HIVEP3: variants seen among roughly 807,000 people sequenced by gnomAD.
HIVEP3 encodes the protein HIVEP zinc finger 3, also known as transcription factor HIVEP3.
HIVEP3 carries 49 observed loss-of-function variants against 152.8 expected under a neutral mutation model. The observed-to-expected ratio is 0.32, with a 90% CI of 0.26 to 0.41. The LOEUF (loss-of-function observed/expected upper bound fraction) is 0.41. Ranked by LOEUF, HIVEP3 falls within the 10% of genes least tolerant of loss-of-function variation. HIVEP3 has a pLI of 1.00. For missense variants in HIVEP3, 2,790 were observed against 3,103.3 expected (o/e 0.90, Z 2.40); for synonymous variants, 1,269 against 1,289.0 (o/e 0.98, Z 0.33).
At chr1:41,626,726 G>A (rs1645123289) in intron 3 of HIVEP3, among the ~76,000 whole-genome samples, 1 of 152,174 alleles carries the variant, frequency 6.6e-6, no homozygotes, top group Non-Finnish European at 1.5e-5. Context: ...CTAAGTTGAG[G>A]TACCAGGAAG....
At chr1:41,836,662 T>C (rs950433115) in intron 1 of HIVEP3, among the ~76,000 whole-genome samples, 1 of 152,220 alleles carries the variant, frequency 6.6e-6, no homozygotes, top group Non-Finnish European at 1.5e-5. Context: ...ATTTCTCATG[T>C]TTTCCCCTTG....
At chr1:41,633,766 C>T (rs1240079161) in intron 2 of HIVEP3, among the ~76,000 whole-genome samples, 1 of 152,156 alleles carries the variant, frequency 6.6e-6, no homozygotes, top group Admixed American at 6.5e-5. Context: ...CATTGACACA[C>T]CCACCTTAAA....
At chr1:41,703,609 AG>A (rs1219934129) in intron 1 of HIVEP3, among the ~76,000 whole-genome samples, 1 of 152,236 alleles carries the variant, frequency 6.6e-6, no homozygotes, top group African/African-American at 2.4e-5. Flanking sequence ...CCTGGTGCAT[AG>A]TAAGGGTTAG....
chr1:41,815,391 G>A (rs1190282265), intron 1 of HIVEP3, among the ~76,000 whole-genome samples: 1 of 152,166 alleles, frequency 6.6e-6, no homozygotes, highest in Non-Finnish European at 1.5e-5. Context: ...AGGATGGCTT[G>A]AGCCAGGAGT....
intron 1 of HIVEP3, among the ~76,000 whole-genome samples, chr1:41,801,311 C>T (rs2124312727): frequency 6.6e-6 from 1 of 152,246 alleles, no homozygotes; most frequent in South Asian, 2.1e-4. Context: ...AATCTGGTCT[C>T]CCTTCTTCCC....
At chr1:41,990,474 A>G (rs1223105756) in intron 1 of HIVEP3, among the ~76,000 whole-genome samples, 10 of 147,280 alleles carry the variant, frequency 6.8e-5, no homozygotes, top group African/African-American at 2.0e-4. Flanking sequence ...ATATGCACCC[A>G]ATACAGGAGC....
At chr1:41,597,801 T>C (rs1255744281) in intron 3 of HIVEP3, among the ~76,000 whole-genome samples, 1 of 152,170 alleles carries the variant, frequency 6.6e-6, no homozygotes, top group East Asian at 1.9e-4. Context: ...CCTGGAAAAG[T>C]ATCGACAGTG....
chr1:41,909,916 T>C (rs769290884), intron 1 of HIVEP3, among the ~76,000 whole-genome samples: 1 of 152,054 alleles, frequency 6.6e-6, no homozygotes, highest in Non-Finnish European at 1.5e-5. Context: ...CCAAATTATA[T>C]ACAAATATTA....
At chr1:41,774,936 C>T (rs1648601395) in intron 1 of HIVEP3, among the ~76,000 whole-genome samples, 1 of 152,090 alleles carries the variant, frequency 6.6e-6, no homozygotes, top group Non-Finnish European at 1.5e-5. Context: ...GCTGGGACTA[C>T]AGGCATGTGC....
intron 1 of HIVEP3, among the ~76,000 whole-genome samples, chr1:41,897,989 G>T: frequency 6.6e-6 from 1 of 151,340 alleles, no homozygotes; most frequent in South Asian, 2.1e-4. Context: ...GAGGTGCTGG[G>T]AGAAGGAGGA....
In HIVEP3 at chr1:41,851,289, C is replaced by CTTTTTTTTTTTTT. The variant is rs34180186; in HGVS notation, c.-801+67111_-801+67123dup. Reference sequence around the variant, plus strand: ...GATGAGAGAGCACCTTCTTCTTCTTCTTTTTTTTTTTTTTTTTTTTTTTTT... The same window carrying CTTTTTTTTTTTTT: ...GATGAGAGAGCACCTTCTTCTTCTTCTTTTTTTTTTTTTTTTTTTTTTTTTTTTTTTTTTTTTT... On this transcript the variant is annotated intron_variant, in intron 1 of 8. Transcript: ENST00000372583. 1.3e-4 allele frequency among the ~76,000 whole-genome samples: 8 copies of CTTTTTTTTTTTTT among 59,798 alleles called. No individual in the cohort carries two copies. The East Asian group carries it at 2.2e-3, about 16-fold the overall frequency. 39.2% of individuals were successfully genotyped at this position (59,798 alleles called of 152,430 possible). A position where few individuals can be genotyped will look rare whatever the true frequency, so the allele number is the denominator to read the frequency against.
Position 41,580,771 on chromosome 1 carries a change from C to G in HIVEP3, c.4027G>C (p.Val1343Leu). ...AMYTTLSQIL[V>L]TQSQGSSATV... ...GCTGAGCTGCCTTGGGACTGGGTGA[C>G]CAAGATCTGGGAAAGGGTGGTGTAC... The change falls in exon 4 of 9, where the codon GTC becomes CTC. Residue 1343 changes from valine to leucine, a missense_variant. Around this residue, in one of 9 missense-constraint regions of HIVEP3, gnomAD observed 1,078 missense variants for 1,165.3 expected, o/e 0.93. Coordinates refer to ENST00000372583, the MANE Select transcript of HIVEP3 (RefSeq NM_024503.5). 1 of 1,579,790 alleles carries G rather than the reference C, an allele frequency of 6.3e-7. No homozygotes were observed. Among genetic ancestry groups the G allele is most frequent in the Non-Finnish European group, 8.6e-7 (1 of 1,163,752 alleles).
chr1:41,979,748 G>C (rs1489142793), intron 1 of HIVEP3, among the ~76,000 whole-genome samples: 2 of 152,118 alleles, frequency 1.3e-5, no homozygotes, highest in Non-Finnish European at 2.9e-5. Flanking sequence ...TTTAACATGA[G>C]CCCTCCTTCC....
At chr1:41,749,241 T>A (rs1288858810) in intron 1 of HIVEP3, among the ~76,000 whole-genome samples, 4 of 152,206 alleles carry the variant, frequency 2.6e-5, no homozygotes, top group Non-Finnish European at 5.9e-5. Context: ...GCACTCCTGG[T>A]AGGGATGGGT....
chr1:42,016,300 G>A (rs1306526360), intron 1 of HIVEP3, among the ~76,000 whole-genome samples: 1 of 152,126 alleles, frequency 6.6e-6, no homozygotes, highest in Admixed American at 6.6e-5. Context: ...GTCAGTGCCA[G>A]ATAAAGGTGG....
intron 6 of HIVEP3, among the ~76,000 whole-genome samples, chr1:41,520,822 G>A (rs1642741807): frequency 6.6e-6 from 1 of 152,244 alleles, no homozygotes; most frequent in Non-Finnish European, 1.5e-5. Context: ...GCCAGGCTGA[G>A]GTTCTCCCTG....
chr1:41,883,165 A>C (rs528024243), intron 1 of HIVEP3, among the ~76,000 whole-genome samples: 2 of 152,134 alleles, frequency 1.3e-5, no homozygotes, highest in African/African-American at 4.8e-5. Context: ...AGAAAAAAAT[A>C]TATAGACAAC....
At chr1:41,906,006 G>A (rs757245278) in intron 1 of HIVEP3, among the ~76,000 whole-genome samples, 6 of 152,096 alleles carry the variant, frequency 3.9e-5, no homozygotes, top group Non-Finnish European at 7.4e-5. Context: ...ATCAACAGGT[G>A]GATGGATAAA....
chr1:42,023,462 G>C (rs867291081), intron 1 of HIVEP3, among the ~76,000 whole-genome samples: 2 of 152,100 alleles, frequency 1.3e-5, no homozygotes, highest in South Asian at 2.1e-4. Context: ...GTTTGGATCT[G>C]TGTCCCTGCC....
Sources: allele counts gnomAD v4.1 joint callset (sites outside exome capture counted in the v4.1 genomes callset), GRCh38; gene constraint gnomAD v4.1.1; regional missense constraint gnomAD v4.1.1; transcripts MANE v1.5; gene names NCBI Gene and HGNC (gene_info 2026-07-23, HGNC 2026-07-21).